RBMS1: variants seen among roughly 807,000 people sequenced by gnomAD.
The protein encoded by RBMS1 is RNA binding motif single stranded interacting protein 1, also known as RNA-binding motif, single-stranded-interacting protein 1.
In RBMS1, 17 loss-of-function variants were observed where a neutral mutation model predicts 62.3. The observed-to-expected ratio is 0.27, with a 90% confidence interval of 0.19 to 0.41. The LOEUF is 0.41. Among genes scored for constraint, RBMS1 ranks in the 10% least tolerant of loss-of-function variants. The probability of loss-of-function intolerance (pLI) is 1.00; values close to 1 mark genes in which losing one functional copy is unlikely to be tolerated. For missense variants in RBMS1, 334 were observed against 504.5 expected (o/e 0.66, Z 3.24); for synonymous variants, 172 against 170.0 (o/e 1.01, Z -0.09).
intron 1 of RBMS1, among the ~76,000 whole-genome samples, chr2:160,370,566 G>A (rs1456493589): frequency 6.6e-6 from 1 of 152,202 alleles, no homozygotes; most frequent in African/African-American, 2.4e-5. Flanking sequence ...GTGCAGATTA[G>A]GAAACCGAGT....
chr2:160,317,234 C>A (rs1302018103), intron 3 of RBMS1, among the ~76,000 whole-genome samples: 2 of 152,106 alleles, frequency 1.3e-5, no homozygotes, highest in Non-Finnish European at 2.9e-5. Context: ...AAGGAGAGGC[C>A]CCTACCATAG....
At chr2:160,289,615 TC>T (rs769715878) in intron 6 of RBMS1, among the ~76,000 whole-genome samples, 7 of 152,174 alleles carry the variant, frequency 4.6e-5, no homozygotes, top group Non-Finnish European at 8.8e-5. Flanking sequence ...GGTCCTTGCC[TC>T]CCTGGGGCTT....
intron 2 of RBMS1, among the ~76,000 whole-genome samples, chr2:160,337,836 G>A (rs570266440): frequency 2.0e-5 from 3 of 152,256 alleles, no homozygotes; most frequent in African/African-American, 7.2e-5. Context: ...CACCTTTCTT[G>A]CAAATTAGAA....
chr2:160,407,276 C>T (rs546721916), intron 1 of RBMS1, among the ~76,000 whole-genome samples: 16 of 152,200 alleles, frequency 1.1e-4, no homozygotes, highest in African/African-American at 3.4e-4. Flanking sequence ...CTGCCCGGCC[C>T]GGGCGGCGGC....
At chr2:160,337,141 T>TC (rs1458502670) in intron 2 of RBMS1, among the ~76,000 whole-genome samples, 1 of 150,626 alleles carries the variant, frequency 6.6e-6, no homozygotes, top group Non-Finnish European at 1.5e-5. Flanking sequence ...TTTTCTTTTT[T>TC]TTTTTTTTTT....
intron 2 of RBMS1, among the ~76,000 whole-genome samples, chr2:160,356,737 C>T (rs1251372177): frequency 1.3e-5 from 2 of 152,144 alleles, no homozygotes. Context: ...AAATTAACTT[C>T]TTTCCTTTAT....
intron 2 of RBMS1, among the ~76,000 whole-genome samples, chr2:160,365,506 T>C (rs1693348728): frequency 6.6e-6 from 1 of 152,226 alleles, no homozygotes; most frequent in South Asian, 2.1e-4. Flanking sequence ...TTCTGCCACA[T>C]TTGTAATATG....
intron 2 of RBMS1, among the ~76,000 whole-genome samples, chr2:160,365,200 G>A (rs1693331477): frequency 6.6e-6 from 1 of 152,158 alleles, no homozygotes; most frequent in Admixed American, 6.5e-5. Context: ...TAGATTCTCT[G>A]TGTTAAATGG....
At chr2:160,332,121 C>T (rs138678350) in intron 2 of RBMS1, among the ~76,000 whole-genome samples, 35 of 152,134 alleles carry the variant, frequency 2.3e-4, no homozygotes, top group African/African-American at 8.4e-4. Context: ...GTTTAGTTTA[C>T]TGGTCCTTAA....
chr2:160,301,298 T>C (rs983222671), intron 5 of RBMS1, among the ~76,000 whole-genome samples: 4 of 152,128 alleles, frequency 2.6e-5, no homozygotes, highest in Non-Finnish European at 4.4e-5. Context: ...TTTGGAGGAG[T>C]AAAGGCTGGA....
chr2:160,399,165 C>G (rs1384677678), intron 1 of RBMS1, among the ~76,000 whole-genome samples: 1 of 152,294 alleles, frequency 6.6e-6, no homozygotes, highest in East Asian at 1.9e-4. Context: ...ACCAATTATC[C>G]TGTCTCCTGA....
At chr2:160,280,893 CT>C (rs1417841813) in intron 10 of RBMS1, among the ~76,000 whole-genome samples, 1 of 152,140 alleles carries the variant, frequency 6.6e-6, no homozygotes, top group Non-Finnish European at 1.5e-5. Flanking sequence ...TGTGCTACCA[CT>C]TTAGTATTTA....
chr2:160,339,422 T>C (rs539249838), intron 2 of RBMS1, among the ~76,000 whole-genome samples: 1 of 152,296 alleles, frequency 6.6e-6, no homozygotes, highest in East Asian at 1.9e-4. Context: ...TACTCGTTTT[T>C]CCTGTGTTTT....
rs747581957 is a variant in RBMS1 at position 160,399,538 on chromosome 2, TA to T, written c.76-32148del. 4.2e-5 allele frequency among the ~76,000 whole-genome samples: 6 copies of T among 142,862 alleles called. No individual in the cohort carries two copies. In the East Asian group the frequency reaches 6.4e-4, roughly 15 times the overall value. The allele number at this position is 142,862 out of a possible 152,430, so 93.7% of individuals were successfully genotyped here. ...GATTCCTGTATGCTTTTTTTTTTTT[TA>T]AATCACTTACACCTACAACTCAATT... On this transcript the variant is annotated intron_variant, in intron 1 of 13. Transcript: ENST00000348849.
intron 2 of RBMS1, among the ~76,000 whole-genome samples, chr2:160,345,078 G>A (rs1692102398): frequency 6.6e-6 from 1 of 152,012 alleles, no homozygotes; most frequent in South Asian, 2.1e-4. Flanking sequence ...CCAAGTCTCA[G>A]GCAAATTTGC....
chr2:160,324,409 T>C (rs1326521710), intron 2 of RBMS1, among the ~76,000 whole-genome samples: 1 of 152,220 alleles, frequency 6.6e-6, no homozygotes, highest in Non-Finnish European at 1.5e-5. Flanking sequence ...ATTTTAATAT[T>C]GGTCATTTCA....
chr2:160,380,770 C>T (rs969748962), intron 1 of RBMS1, among the ~76,000 whole-genome samples: 2 of 152,152 alleles, frequency 1.3e-5, no homozygotes, highest in African/African-American at 4.8e-5. Flanking sequence ...TCCTTTTCTC[C>T]ACTGCGGCCA....
intron 7 of RBMS1, among the ~76,000 whole-genome samples, chr2:160,286,015 G>A (rs1048999522): frequency 2.8e-4 from 43 of 152,102 alleles, no homozygotes; most frequent in African/African-American, 9.9e-4. Context: ...GGAGGCTGAG[G>A]CAGGAGAATG....
rs530273696 is a variant in RBMS1, at chr2:160,453,891, T to C, written c.75+39398A>G. Among the ~76,000 whole-genome samples the C allele has an allele frequency of 3.3e-5, 5 of 152,362 alleles. No homozygotes were observed. The East Asian group carries it at 9.6e-4, about 29-fold the overall frequency. On this transcript the variant is annotated intron_variant, in intron 1 of 13. Coordinates refer to ENST00000348849, the MANE Select transcript of RBMS1 (RefSeq NM_016836.4). ...GGTGCCCCTCTACCTTAGTTCATGA[T>C]AGTTTTTATGCTAAGAGTGGCTTTC...
Sources: gnomAD v4.1 joint callset for allele counts (sites outside exome capture counted in the v4.1 genomes callset) on GRCh38, gnomAD v4.1.1 for gene constraint, MANE v1.5 for transcripts, NCBI Gene and HGNC (gene_info 2026-07-23, HGNC 2026-07-21) for gene names.